The following CAB39L variants were observed in gnomAD, a reference collection of about 807,000 sequenced individuals.
The protein encoded by CAB39L is calcium-binding protein 39-like.
In CAB39L, 23 loss-of-function variants were observed where a neutral mutation model predicts 39.1. The observed-to-expected ratio is 0.59, with a 90% confidence interval of 0.42 to 0.83. CAB39L has a LOEUF of 0.83. CAB39L is among the 40% of genes least tolerant of loss of function. The pLI is 0.00. For synonymous variants in CAB39L, 126 were observed against 137.2 expected (o/e 0.92, Z 0.57); for missense variants, 366 against 391.9 (o/e 0.93, Z 0.56).
intron 3 of CAB39L, among the ~76,000 whole-genome samples, chr13:49,405,850 C>A (rs1000671832): frequency 6.6e-6 from 1 of 152,000 alleles, no homozygotes; most frequent in Non-Finnish European, 1.5e-5. Flanking sequence ...GAGATCCTGT[C>A]ATTTGAAACA....
At chr13:49,331,870 A>G (rs945860700) in intron 10 of CAB39L, 77 bp downstream of exon 10, 15 of 1,339,168 alleles carry the variant, frequency 1.1e-5, no homozygotes, top group Non-Finnish European at 1.6e-5. Flanking sequence ...GAAGGAGAGT[A>G]AAGAGCAGGG....
intron 3 of CAB39L, among the ~76,000 whole-genome samples, chr13:49,425,499 T>G (rs917271343): frequency 1.3e-5 from 2 of 152,048 alleles, no homozygotes; most frequent in African/African-American, 4.8e-5. Flanking sequence ...AATTTCCAAG[T>G]AGGAATACAA....
At chr13:49,393,914 A>G (rs1241234128) in intron 3 of CAB39L, among the ~76,000 whole-genome samples, 1 of 152,028 alleles carries the variant, frequency 6.6e-6, no homozygotes, top group Admixed American at 6.5e-5. Context: ...TAACACAGTA[A>G]TAGCACAAGA....
At position 49,344,180 on chromosome 13, in the gene CAB39L, G is replaced by A; in HGVS notation, c.623C>T (p.Thr208Ile). The A allele has an allele frequency of 6.4e-7, 1 of 1,563,620 alleles. No individual in the cohort carries two copies. The change falls in exon 8 of 11, where the codon ACT becomes ATT. Residue 208 changes from threonine to isoleucine, a missense_variant and splice_region_variant. Transcript: ENST00000409308. ...TCTTTAAAAATGATTTCTACTTACA[G>A]TGTCGTAATTTTGTTCTAAGAAGTC... ...VADFLEQNYDTIFEDYEKLLQ... is the reference protein window; with the variant it reads ...VADFLEQNYDIIFEDYEKLLQ...
At chr13:49,378,601 T>C (rs1456435305) in intron 4 of CAB39L, among the ~76,000 whole-genome samples, 179 of 36,258 alleles carry the variant, frequency 4.9e-3, no homozygotes, top group Middle Eastern at 0.033. Context: ...GGGTCAGCCC[T>C]CCGCCCGGCC....
chr13:49,442,787 C>CAAAAAAAAAAAAAAAAAAAAA (rs71078844), intron 1 of CAB39L, among the ~76,000 whole-genome samples: 5 of 103,690 alleles, frequency 4.8e-5, no homozygotes, highest in African/African-American at 1.5e-4. Context: ...GACTCCATCT[C>CAAAAAAAAAAAAAAAAAAAAA]AAAAAAAAAA....
intron 2 of CAB39L, 107 bp downstream of exon 2, chr13:49,433,979 C>CAATTT: frequency 2.9e-6 from 1 of 346,310 alleles, no homozygotes; most frequent in South Asian, 2.3e-5. Flanking sequence ...TTAGTTCGCA[C>CAATTT]CTTTACTAAT....
At chr13:49,368,211 C>A (rs1955822465) in intron 5 of CAB39L, among the ~76,000 whole-genome samples, 1 of 152,214 alleles carries the variant, frequency 6.6e-6, no homozygotes. Context: ...CTGCAGAACT[C>A]TATCCAACTT....
At chr13:49,362,618 G>C (rs1318169666) in intron 5 of CAB39L, among the ~76,000 whole-genome samples, 1 of 150,940 alleles carries the variant, frequency 6.6e-6, no homozygotes, top group African/African-American at 2.4e-5. Flanking sequence ...GTCTAGAAAG[G>C]GCAAATCTAA....
At chr13:49,437,875 C>T (rs1264871020) in intron 1 of CAB39L, among the ~76,000 whole-genome samples, 3 of 152,198 alleles carry the variant, frequency 2.0e-5, no homozygotes, top group African/African-American at 7.2e-5. Context: ...GGCTGGAGTG[C>T]AGTGGCGCAA....
intron 7 of CAB39L, among the ~76,000 whole-genome samples, chr13:49,350,318 A>G (rs1024969241): frequency 6.6e-6 from 1 of 152,194 alleles, no homozygotes; most frequent in African/African-American, 2.4e-5. Context: ...GTAATTCTCC[A>G]TCTCCCTTCA....
chr13:49,421,367 C>A (rs533449071), intron 3 of CAB39L, among the ~76,000 whole-genome samples: 1 of 152,284 alleles, frequency 6.6e-6, no homozygotes, highest in South Asian at 2.1e-4. Context: ...AGACTTCCAT[C>A]CCTGTCTGGC....
At chr13:49,415,642 C>A (rs1957073496) in intron 3 of CAB39L, among the ~76,000 whole-genome samples, 1 of 152,010 alleles carries the variant, frequency 6.6e-6, no homozygotes, top group South Asian at 2.1e-4. Flanking sequence ...CCATTATAAC[C>A]CCATGTTGAG....
chr13:49,425,140 G>A (rs1187750416), intron 3 of CAB39L, among the ~76,000 whole-genome samples: 6 of 146,310 alleles, frequency 4.1e-5, no homozygotes, highest in Non-Finnish European at 8.8e-5. Flanking sequence ...CAATGCACAT[G>A]GTAATATATT....
At chr13:49,347,293 T>C (rs956055786) in intron 7 of CAB39L, among the ~76,000 whole-genome samples, 1 of 152,226 alleles carries the variant, frequency 6.6e-6, no homozygotes, top group Non-Finnish European at 1.5e-5. Flanking sequence ...TTTTTGTCAT[T>C]CAATATTGTT....
rs191766618 is a variant in CAB39L, at chr13:49,364,778, G to T, written c.277-4946C>A. ...CCATAATGAAAACTATAAAAAAATG[G>T]ATGAAAGAAATTAAAAAGGACATGC... On this transcript the variant is annotated intron_variant, in intron 5 of 10. Coordinates refer to ENST00000409308, the MANE Select transcript of CAB39L (RefSeq NM_001079670.3). Among the ~76,000 whole-genome samples the T allele has an allele frequency of 2.0e-5, 3 of 151,992 alleles. No homozygotes were observed. The East Asian group carries it at 5.8e-4, about 29-fold the overall frequency.
intron 3 of CAB39L, among the ~76,000 whole-genome samples, chr13:49,393,595 G>T (rs764144790): frequency 6.6e-6 from 1 of 151,698 alleles, no homozygotes; most frequent in South Asian, 2.1e-4. Flanking sequence ...GTATTTTTCT[G>T]CATTATTTAT....
At chr13:49,320,572 T>G (rs1307799637) in intron 10 of CAB39L, among the ~76,000 whole-genome samples, 2 of 152,216 alleles carry the variant, frequency 1.3e-5, no homozygotes, top group African/African-American at 4.8e-5. Flanking sequence ...AAATTCTATT[T>G]TGCCAACAGG....
intron 3 of CAB39L, among the ~76,000 whole-genome samples, chr13:49,395,392 C>A (rs1388443020): frequency 6.6e-6 from 1 of 151,912 alleles, no homozygotes; most frequent in Non-Finnish European, 1.5e-5. Flanking sequence ...CTCACCACCA[C>A]GTTCGGCTAT....
Sources: allele counts gnomAD v4.1 joint callset (sites outside exome capture counted in the v4.1 genomes callset), GRCh38; gene constraint gnomAD v4.1.1; transcripts MANE v1.5; gene names NCBI Gene and HGNC (gene_info 2026-07-23, HGNC 2026-07-21).